Variants in GSE1 observed in about 807,000 individuals in gnomAD.
GSE1 encodes Gse1 coiled-coil protein.
GSE1 carries 32 observed loss-of-function variants against 112.6 expected under a neutral mutation model. That is an observed-to-expected ratio of 0.28 (90% CI 0.21 to 0.38). The LOEUF (loss-of-function observed/expected upper bound fraction) is 0.38. GSE1 is among the 10% of genes least tolerant of loss of function. GSE1 has a pLI of 1.00. For missense variants in GSE1, 2,348 were observed against 1,699.2 expected, an observed-to-expected ratio of 1.38 and a Z score of -6.71; for synonymous variants, 1,115 against 735.6, an observed-to-expected ratio of 1.52 and a Z score of -8.35.
At chr16:85,325,772 T>TTG (rs996489482) in intron 1 of GSE1, among the ~76,000 whole-genome samples, 1 of 149,290 alleles carries the variant, frequency 6.7e-6, no homozygotes, top group African/African-American at 2.5e-5. Context: ...TTTTTTTTTT[T>TTG]TTGAGACGGA....
intron 2 of GSE1, among the ~76,000 whole-genome samples, chr16:85,530,799 C>T (rs1004330845): frequency 9.2e-5 from 14 of 152,212 alleles, no homozygotes; most frequent in African/African-American, 9.6e-5. Context: ...TGGGTGTCAT[C>T]GGAGGAGGGA....
intron 2 of GSE1, among the ~76,000 whole-genome samples, chr16:85,524,554 T>G (rs1598061713): frequency 6.7e-6 from 1 of 148,520 alleles, no homozygotes; most frequent in Non-Finnish European, 1.5e-5. Context: ...TGTGGGAGGG[T>G]GAGGGTGGGG....
chr16:85,346,733 G>C (rs1165936829), intron 1 of GSE1, among the ~76,000 whole-genome samples: 1 of 151,730 alleles, frequency 6.6e-6, no homozygotes, highest in African/African-American at 2.4e-5. Flanking sequence ...TGGGTGGATG[G>C]TGGACAGGTG....
At chr16:85,290,382 G>A (rs775469882) in intron 1 of GSE1, among the ~76,000 whole-genome samples, 12 of 152,142 alleles carry the variant, frequency 7.9e-5, no homozygotes, top group East Asian at 1.9e-4. Context: ...AGTGAGCTCC[G>A]TTCCATTGGG....
At position 85,668,192 on chromosome 16, in the gene GSE1, C is replaced by T; in HGVS notation, c.3183C>T (p.Val1061=). Residue 1061 remains valine (V), a synonymous_variant, in exon 14 of 16, where the codon GTC becomes GTT. Transcript: ENST00000253458. ...AGAACCACAAGGTTGACACGTCCGT[C>T]CACTACAACATTCCTGAGCTGCAGT... ...AEQNHKVDTS[V]HYNIPELQSS... is the part of the protein sequence containing the mutation. 3.1e-6 allele frequency: 5 copies of T among 1,609,264 alleles called. No individual in the cohort carries two copies. The East Asian group carries it at 1.1e-4, about 36-fold the overall frequency.
At chr16:85,521,853 G>A (rs1056695105) in intron 2 of GSE1, among the ~76,000 whole-genome samples, 1 of 152,314 alleles carries the variant, frequency 6.6e-6, no homozygotes, top group Non-Finnish European at 1.5e-5. Context: ...GTCGTGGAGG[G>A]TTCCCACACG....
intron 1 of GSE1, among the ~76,000 whole-genome samples, chr16:85,257,764 G>A (rs114760604): frequency 2.2e-4 from 34 of 152,298 alleles, no homozygotes; most frequent in South Asian, 1.2e-3. Flanking sequence ...GTAGTGAGCC[G>A]CGATGGCATC....
intron 2 of GSE1, among the ~76,000 whole-genome samples, chr16:85,361,404 C>T (rs938033883): frequency 6.6e-6 from 1 of 151,678 alleles, no homozygotes; most frequent in African/African-American, 2.4e-5. Flanking sequence ...CACACAGACA[C>T]ACACACACAG....
upstream of GSE1, among the ~76,000 whole-genome samples, chr16:85,610,446 C>T (rs1567644732): frequency 1.3e-5 from 2 of 152,214 alleles, no homozygotes; most frequent in South Asian, 2.1e-4. Context: ...TGGAGGGAGG[C>T]CAGCCTTAGC....
At chr16:85,478,847 CTTT>C (rs2050549531) in intron 2 of GSE1, among the ~76,000 whole-genome samples, 4 of 5,878 alleles carry the variant, frequency 6.8e-4, no homozygotes, top group Admixed American at 1.9e-3. Context: ...TATTTTCTTT[CTTT>C]CTTTCTTTCT....
At chr16:85,565,824 C>T (rs755433691) in intron 1 of GSE1, among the ~76,000 whole-genome samples, 12 of 152,204 alleles carry the variant, frequency 7.9e-5, no homozygotes, top group Non-Finnish European at 1.5e-4. Context: ...CCCTGGGTCT[C>T]GGCCATGCTC....
chr16:85,527,438 G>C (rs2052399444), intron 2 of GSE1, among the ~76,000 whole-genome samples: 1 of 152,294 alleles, frequency 6.6e-6, no homozygotes, highest in African/African-American at 2.4e-5. Context: ...GGGGAGGCAG[G>C]GGTTGAGGAC....
intron 1 of GSE1, among the ~76,000 whole-genome samples, chr16:85,243,052 A>G (rs1019289579): frequency 1.2e-4 from 19 of 152,110 alleles, no homozygotes; most frequent in African/African-American, 4.3e-4. Context: ...GGCTCAAGCA[A>G]TCCTCCTTCC....
intron 1 of GSE1, among the ~76,000 whole-genome samples, chr16:85,251,518 G>T (rs1378870382): frequency 1.3e-5 from 2 of 152,238 alleles, no homozygotes; most frequent in Non-Finnish European, 2.9e-5. Flanking sequence ...CCAGGCCGGG[G>T]CTCGAACCCT....
chr16:85,173,491 C>T (rs1428138486), intron 1 of GSE1, among the ~76,000 whole-genome samples: 32 of 152,176 alleles, frequency 2.1e-4, no homozygotes, highest in Admixed American at 2.1e-3. Context: ...ACCCTCGTGT[C>T]CTCCACCCTG....
At chr16:85,208,687 T>A (rs947986160) in intron 1 of GSE1, among the ~76,000 whole-genome samples, 9 of 152,006 alleles carry the variant, frequency 5.9e-5, no homozygotes, top group African/African-American at 1.9e-4. Context: ...TGAATGACTT[T>A]TTAAAAATGT....
chr16:85,642,521 A>G (rs74034003), intron 2 of GSE1, among the ~76,000 whole-genome samples: 2,592 of 152,244 alleles, frequency 0.017, 79 homozygotes, highest in African/African-American at 0.06. Context: ...TCGCTCACCC[A>G]TCTGTTCAAG....
At chr16:85,206,813 C>G (rs919685592) in intron 1 of GSE1, among the ~76,000 whole-genome samples, 10 of 151,794 alleles carry the variant, frequency 6.6e-5, no homozygotes, top group Non-Finnish European at 1.5e-4. Flanking sequence ...GGTGCTGGCC[C>G]CCCGCCAGCC....
At chr16:85,565,052 A>G (rs544846484) in intron 1 of GSE1, among the ~76,000 whole-genome samples, 1 of 152,246 alleles carries the variant, frequency 6.6e-6, no homozygotes, top group South Asian at 2.1e-4. Context: ...CCGGTGACAC[A>G]TGAACTCGAT....
Sources: gnomAD v4.1 joint callset for allele counts (sites outside exome capture counted in the v4.1 genomes callset) on GRCh38, gnomAD v4.1.1 for gene constraint, MANE v1.5 for transcripts, NCBI Gene and HGNC (gene_info 2026-07-23, HGNC 2026-07-21) for gene names.